The following TENM3 variants were observed in gnomAD, a reference collection of about 807,000 sequenced individuals.
TENM3 encodes teneurin transmembrane protein 3.
In TENM3, 63 loss-of-function variants were observed where a neutral mutation model predicts 255.1. That is an observed-to-expected ratio of 0.25 (90% CI 0.20 to 0.30). The LOEUF is 0.30. TENM3 is among the 10% of genes least tolerant of loss of function. TENM3 has a pLI of 1.00. For missense variants in TENM3, 2,929 were observed against 3,461.1 expected, an observed-to-expected ratio of 0.85 and a Z score of 3.86; for synonymous variants, 1,306 against 1,322.3, an observed-to-expected ratio of 0.99 and a Z score of 0.27.
chr4:182,197,535 A>T (rs1255217043), intron 1 of TENM3, among the ~76,000 whole-genome samples: 1 of 152,226 alleles, frequency 6.6e-6, no homozygotes, highest in African/African-American at 2.4e-5. Flanking sequence ...AAAAATAATT[A>T]TCCCACCGTG....
Position 182,751,805 on chromosome 4 carries a change from A to G in TENM3, c.3635A>G (p.Asn1212Ser), listed in dbSNP as rs1401736169. 5.0e-6 allele frequency: 8 copies of G among 1,613,384 alleles called. No individual in the cohort carries two copies. Among genetic ancestry groups the G allele is most frequent in the Admixed American group, 3.3e-5 (2 of 59,992 alleles). Residue 1212 changes from asparagine to serine, a missense_variant, in exon 20 of 28, where the codon AAC becomes AGC. By Grantham distance (46) the Asn-to-Ser change is conservative. Around this residue, in one of 6 missense-constraint regions of TENM3, gnomAD observed 1,608 missense variants for 1,884.4 expected, o/e 0.85. Coordinates refer to ENST00000511685, the MANE Select transcript of TENM3 (RefSeq NM_001080477.4). Reference protein sequence around the residue: ...NVTSVLELSSNPAHRYYLATD... With the variant: ...NVTSVLELSSSPAHRYYLATD... ...ATCTATGATCCTTTTCACAGCAGCA[A>G]CCCAGCTCATAGATACTACCTTGCA...
chr4:181,828,427 A>G, the TENM3 span, among the ~76,000 whole-genome samples: 20 of 152,336 alleles, frequency 1.3e-4, 1 homozygote, highest in East Asian at 2.5e-3. Flanking sequence ...AAAGCCCACT[A>G]TTTGCATAAA....
chr4:181,660,416 T>A, the TENM3 span, among the ~76,000 whole-genome samples: 2 of 152,176 alleles, frequency 1.3e-5, no homozygotes, highest in Admixed American at 6.6e-5. Context: ...TGACCTGGAA[T>A]AAATGTTAAA....
At chr4:182,103,047 A>T in the TENM3 span, among the ~76,000 whole-genome samples, 1 of 152,242 alleles carries the variant, frequency 6.6e-6, no homozygotes, top group African/African-American at 2.4e-5. Flanking sequence ...CATTCAAAAT[A>T]AAAAATTTAC....
chr4:182,062,009 C>CTT, the TENM3 span, among the ~76,000 whole-genome samples: 1 of 152,026 alleles, frequency 6.6e-6, no homozygotes, highest in Admixed American at 6.6e-5. Flanking sequence ...ATTGTTGGAG[C>CTT]TTTTTACTTT....
intron 5 of TENM3, among the ~76,000 whole-genome samples, chr4:182,650,890 ATATATATAT>A (rs1218598592): frequency 3.0e-5 from 1 of 33,000 alleles, no homozygotes; most frequent in African/African-American, 6.1e-5. Flanking sequence ...ATAAAAAAAA[ATATATATAT>A]ATATATATAT....
At chr4:182,166,000 G>C (rs576969245) in intron 1 of TENM3, among the ~76,000 whole-genome samples, 1 of 152,000 alleles carries the variant, frequency 6.6e-6, no homozygotes, top group Admixed American at 6.5e-5. Flanking sequence ...GGATGGTCTC[G>C]ATCTCCTGAC....
the TENM3 span, among the ~76,000 whole-genome samples, chr4:181,783,033 A>G: frequency 1.3e-5 from 2 of 152,160 alleles, no homozygotes; most frequent in African/African-American, 4.8e-5. Context: ...GGAGTGCTTT[A>G]CTTCCACCTA....
chr4:182,745,817 G>A (rs1199414009), intron 19 of TENM3, among the ~76,000 whole-genome samples: 7 of 149,786 alleles, frequency 4.7e-5, no homozygotes, highest in South Asian at 2.1e-4. Flanking sequence ...TCTCCCTCTG[G>A]AAAAAAAAAA....
chr4:182,205,759 T>G (rs1754516752), intron 1 of TENM3, among the ~76,000 whole-genome samples: 1 of 152,254 alleles, frequency 6.6e-6, no homozygotes, highest in Admixed American at 6.5e-5. Context: ...TATCTTCCCC[T>G]TGTGGAAATT....
At chr4:182,738,970 A>C (rs1761395183) in intron 18 of TENM3, among the ~76,000 whole-genome samples, 1 of 152,206 alleles carries the variant, frequency 6.6e-6, no homozygotes, top group East Asian at 1.9e-4. Context: ...TAAAGAAAAA[A>C]AAATCATGTG....
intron 3 of TENM3, among the ~76,000 whole-genome samples, chr4:182,517,485 G>A (rs1345485171): frequency 1.5e-5 from 2 of 135,600 alleles, no homozygotes; most frequent in East Asian, 2.3e-4. Context: ...CCGGGTTCAC[G>A]CCATTCTCCT....
chr4:182,190,099 C>A (rs1182681125), intron 1 of TENM3: 1 of 152,264 alleles, frequency 6.6e-6, no homozygotes, highest in East Asian at 1.9e-4. Context: ...TTTCTATAAA[C>A]ATACTAATGC....
In TENM3 at chr4:182,161,871, G is replaced by T. The variant is rs866290985; in HGVS notation, c.-76+17117G>T. On this transcript the variant is annotated intron_variant, in intron 1 of 2. Transcript: ENST00000512480. ...TACACAAATATATATGTGTATATAT[G>T]TGTATATATATACACACATATATGT... 2.2e-3 allele frequency among the ~76,000 whole-genome samples: 29 copies of T among 13,372 alleles called. 6 individuals carry two copies. The highest frequency in any genetic ancestry group is 4.7e-3 in the Admixed American group (3 of 634). The allele number at this position is 13,372 out of a possible 152,430, so 8.8% of individuals were successfully genotyped here. A position where few individuals can be genotyped will look rare whatever the true frequency, so the allele number is the denominator to read the frequency against.
At chr4:181,898,263 C>CAT in the TENM3 span, among the ~76,000 whole-genome samples, 1 of 149,030 alleles carries the variant, frequency 6.7e-6, no homozygotes, top group Non-Finnish European at 1.5e-5. Context: ...TCTGCAGCTA[C>CAT]ACACACACAC....
the TENM3 span, among the ~76,000 whole-genome samples, chr4:181,524,902 A>C: frequency 6.6e-6 from 1 of 152,140 alleles, no homozygotes; most frequent in Admixed American, 6.6e-5. Flanking sequence ...GAAGGCTTAG[A>C]AGTTTTCATT....
intron 4 of TENM3, among the ~76,000 whole-genome samples, chr4:182,608,215 A>T (rs1451064903): frequency 6.6e-6 from 1 of 152,146 alleles, no homozygotes; most frequent in Non-Finnish European, 1.5e-5. Context: ...TTTTCCTGGA[A>T]TCAAGGTGTA....
intron 3 of TENM3, among the ~76,000 whole-genome samples, chr4:182,596,476 G>A (rs553479387): frequency 2.0e-4 from 30 of 150,528 alleles, no homozygotes; most frequent in Non-Finnish European, 3.6e-4. Flanking sequence ...AGGTGACTCC[G>A]AAGAAAGATC....
chr4:182,732,003 C>A (rs76122330), intron 16 of TENM3, among the ~76,000 whole-genome samples: 4 of 151,768 alleles, frequency 2.6e-5, no homozygotes, highest in East Asian at 3.9e-4. Flanking sequence ...GGATGGTCTC[C>A]ATCTCCTGAC....
Sources: gnomAD v4.1 joint callset for allele counts (sites outside exome capture counted in the v4.1 genomes callset) on GRCh38, gnomAD v4.1.1 for gene constraint, gnomAD v4.1.1 regional missense constraint, MANE v1.5 for transcripts, NCBI Gene and HGNC (gene_info 2026-07-23, HGNC 2026-07-21) for gene names.